MGAT4C: variants seen among roughly 807,000 people sequenced by gnomAD.
MGAT4C encodes MGAT4 family member C.
MGAT4C carries 19 observed loss-of-function variants against 40.1 expected under a neutral mutation model. The ratio of observed to expected loss-of-function variants is 0.47; its 90% CI spans 0.33 to 0.70. The LOEUF is 0.70. MGAT4C is among the 30% of genes least tolerant of loss of function. The pLI is 0.02. For missense variants in MGAT4C, 491 were observed against 563.2 expected (o/e 0.87, Z 1.30); for synonymous variants, 181 against 187.1 (o/e 0.97, Z 0.27).
intron 3 of MGAT4C, chr12:86,435,147 C>T (rs1393828061): frequency 1.3e-5 from 2 of 151,918 alleles, no homozygotes; most frequent in Non-Finnish European, 2.9e-5. Context: ...AAAAAGAAAG[C>T]TTCTCTTACC....
chr12:86,504,849 A>G (rs868518363), intron 2 of MGAT4C, among the ~76,000 whole-genome samples: 2 of 152,046 alleles, frequency 1.3e-5, no homozygotes, highest in Non-Finnish European at 2.9e-5. Flanking sequence ...TTGGTGCTCA[A>G]TGTTGGCCAC....
intron 2 of MGAT4C, among the ~76,000 whole-genome samples, chr12:86,701,890 T>C (rs772946782): frequency 2.0e-5 from 3 of 152,112 alleles, no homozygotes; most frequent in Admixed American, 2.0e-4. Flanking sequence ...GGGTTAGAGG[T>C]TGGCTCATGA....
chr12:86,804,948 G>A (rs1257648510), intron 1 of MGAT4C, among the ~76,000 whole-genome samples: 2 of 151,970 alleles, frequency 1.3e-5, no homozygotes, highest in African/African-American at 4.8e-5. Flanking sequence ...ACTGATACAT[G>A]TATAAACTTC....
chr12:86,387,785 T>C (rs775790088), intron 3 of MGAT4C, among the ~76,000 whole-genome samples: 2 of 152,152 alleles, frequency 1.3e-5, no homozygotes, highest in African/African-American at 4.8e-5. Context: ...ATCCATTACA[T>C]TGAGCAGTTA....
intron 1 of MGAT4C, among the ~76,000 whole-genome samples, chr12:86,830,836 G>A (rs1952912440): frequency 6.6e-6 from 1 of 151,756 alleles, no homozygotes; most frequent in African/African-American, 2.4e-5. Context: ...AGCTGTGAAG[G>A]TTTTATGTGC....
rs1958174673 is a variant in MGAT4C at position 86,493,321 on chromosome 12, C to T, written c.-228-58056G>A. Among the ~76,000 whole-genome samples, 8 of 152,064 alleles carry T rather than the reference C, an allele frequency of 5.3e-5. 1 individual carries two copies. The highest frequency in any genetic ancestry group is 1.9e-4 in the African/African-American group (8 of 41,358). ...GGTATATACCCAAAGGACTATAAATCATGCTGCTATAAAGACACATGAACA... is the reference window on the plus strand; with the variant it reads ...GGTATATACCCAAAGGACTATAAATTATGCTGCTATAAAGACACATGAACA... On this transcript the variant is annotated intron_variant, in intron 2 of 7. Coordinates refer to the MGAT4C transcript ENST00000548651.
rs143006459 is a variant in MGAT4C, at chr12:86,191,455, T to G, written c.-57+64784A>C. ...GAAAGGTTCTGGATGATCATGTATTTGATATTTTAGGACATTCTGTCAAAC... is the reference window on the plus strand; with the variant it reads ...GAAAGGTTCTGGATGATCATGTATTGGATATTTTAGGACATTCTGTCAAAC... On this transcript the variant is annotated intron_variant, in intron 1 of 4. Coordinates refer to ENST00000611864, the MANE Select transcript of MGAT4C (RefSeq NM_001351288.2). Among the ~76,000 whole-genome samples, 1,230 of 151,854 alleles carry G rather than the reference T, an allele frequency of 8.1e-3. 8 individuals are homozygous for G. Among genetic ancestry groups the G allele is most frequent in the South Asian group, 0.023 (110 of 4,808 alleles).
At chr12:86,509,100 A>G (rs1488386144) in intron 2 of MGAT4C, among the ~76,000 whole-genome samples, 2 of 152,016 alleles carry the variant, frequency 1.3e-5, no homozygotes, top group African/African-American at 4.8e-5. Context: ...TTTTGTTGCC[A>G]TTGCTTTTGG....
chr12:86,081,593 T>C (rs1870842013), intron 1 of MGAT4C, among the ~76,000 whole-genome samples: 1 of 152,042 alleles, frequency 6.6e-6, no homozygotes, highest in African/African-American at 2.4e-5. Context: ...TTTTGGAACA[T>C]AGAATGGAGA....
intron 1 of MGAT4C, among the ~76,000 whole-genome samples, chr12:86,817,310 AATT>A (rs1261934137): frequency 1.3e-5 from 2 of 151,494 alleles, no homozygotes; most frequent in Non-Finnish European, 3.0e-5. Context: ...ATAATCCAAA[AATT>A]ATTAAAAATT....
intron 1 of MGAT4C, among the ~76,000 whole-genome samples, chr12:86,080,587 G>A (rs1315666977): frequency 6.6e-6 from 1 of 151,942 alleles, no homozygotes; most frequent in Non-Finnish European, 1.5e-5. Flanking sequence ...ACACGCTTGT[G>A]CACACACACA....
chr12:86,498,928 A>T (rs1032497959), intron 2 of MGAT4C, among the ~76,000 whole-genome samples: 4 of 152,022 alleles, frequency 2.6e-5, no homozygotes, highest in Non-Finnish European at 5.9e-5. Flanking sequence ...CATTACAAAA[A>T]AAAGGTGAAT....
rs145471369 is a variant in MGAT4C at position 86,442,493 on chromosome 12, G to A, written c.-228-7228C>T. 6.7e-3 allele frequency among the ~76,000 whole-genome samples: 1,025 copies of A among 152,068 alleles called. 10 individuals carry two copies. Among genetic ancestry groups the A allele is most frequent in the African/African-American group, 0.023 (943 of 41,510 alleles). ...ATGGTTTTAGGTCTAACATTTAAGT[G>A]TTTAATCCATCTTGAATTAATTTTT... On this transcript the variant is annotated intron_variant, in intron 2 of 7. Coordinates refer to the MGAT4C transcript ENST00000548651.
chr12:86,385,241 GATAAA>G (rs1956028928), intron 3 of MGAT4C, among the ~76,000 whole-genome samples: 1 of 151,976 alleles, frequency 6.6e-6, no homozygotes, highest in Non-Finnish European at 1.5e-5. Context: ...ACAAGAATAA[GATAAA>G]ATAATTTATA....
chr12:86,479,726 T>C (rs1246044722), intron 2 of MGAT4C, among the ~76,000 whole-genome samples: 3 of 151,914 alleles, frequency 2.0e-5, no homozygotes, highest in Non-Finnish European at 4.4e-5. Context: ...GACTTTATTA[T>C]AGAGCAAGAG....
At chr12:86,377,029 A>C (rs2136216615) in intron 3 of MGAT4C, among the ~76,000 whole-genome samples, 1 of 151,904 alleles carries the variant, frequency 6.6e-6, no homozygotes, top group Non-Finnish European at 1.5e-5. Flanking sequence ...TAAAAGAAAC[A>C]AAAATATTAT....
chr12:86,123,475 G>C (rs1255317306), intron 1 of MGAT4C, among the ~76,000 whole-genome samples: 1 of 152,042 alleles, frequency 6.6e-6, no homozygotes, highest in East Asian at 1.9e-4. Context: ...TATGACTTCA[G>C]CCTTTTTTAT....
At chr12:86,117,444 GT>G (rs1004855782) in intron 1 of MGAT4C, among the ~76,000 whole-genome samples, 3 of 152,082 alleles carry the variant, frequency 2.0e-5, no homozygotes, top group Non-Finnish European at 4.4e-5. Context: ...CCACTGGAAT[GT>G]TTTTTTGAAG....
chr12:86,534,583 A>G (rs1243412986), intron 2 of MGAT4C, among the ~76,000 whole-genome samples: 1 of 152,138 alleles, frequency 6.6e-6, no homozygotes, highest in Non-Finnish European at 1.5e-5. Flanking sequence ...CTCTCACCAT[A>G]TATTTATGAA....
Sources: allele counts gnomAD v4.1 joint callset (sites outside exome capture counted in the v4.1 genomes callset), GRCh38; gene constraint gnomAD v4.1.1; transcripts MANE v1.5; gene names NCBI Gene and HGNC (gene_info 2026-07-23, HGNC 2026-07-21).